Variants in DAB2IP observed in about 807,000 individuals in gnomAD.
DAB2IP encodes disabled homolog 2-interacting protein.
A neutral mutation model predicts 107.2 loss-of-function variants in DAB2IP; 28 were observed. The observed-to-expected ratio is 0.26, with a 90% CI of 0.19 to 0.36. DAB2IP has a LOEUF of 0.36. Ranked by LOEUF, DAB2IP falls within the 10% of genes least tolerant of loss-of-function variation. The probability of loss-of-function intolerance (pLI) is 1.00; values close to 1 mark genes in which losing one functional copy is unlikely to be tolerated. For missense variants in DAB2IP, 1,400 were observed against 1,644.7 expected, an observed-to-expected ratio of 0.85 and a Z score of 2.57; for synonymous variants, 755 against 706.4, an observed-to-expected ratio of 1.07 and a Z score of -1.09.
intron 1 of DAB2IP, among the ~76,000 whole-genome samples, chr9:121,617,578 G>T (rs1457480018): frequency 6.6e-6 from 1 of 152,202 alleles, no homozygotes; most frequent in Non-Finnish European, 1.5e-5. Context: ...ACTGGTTTGG[G>T]TCCAGCCCCA....
intron 1 of DAB2IP, among the ~76,000 whole-genome samples, chr9:121,624,636 G>A (rs1269327587): frequency 6.6e-6 from 1 of 152,134 alleles, no homozygotes; most frequent in East Asian, 1.9e-4. Context: ...ACAGTAACAT[G>A]CTGTACAGGC....
chr9:121,745,086 G>A (rs762605171), intron 3 of DAB2IP, among the ~76,000 whole-genome samples: 1 of 152,252 alleles, frequency 6.6e-6, no homozygotes. Context: ...GAGTCAGCCA[G>A]TGTGGAATGT....
intron 3 of DAB2IP, chr9:121,737,494 A>G (rs1832012874): frequency 1.0e-6 from 1 of 985,420 alleles, no homozygotes; most frequent in Non-Finnish European, 1.2e-6. Flanking sequence ...GAGGCCCCCT[A>G]ATCTGTCCAG....
rs1361041604 is a variant in DAB2IP at position 121,699,378 on chromosome 9, C to A, written c.282C>A (p.Pro94=). 5 of 1,484,886 alleles carry A rather than the reference C, an allele frequency of 3.4e-6. No homozygotes were observed. The African/African-American group carries it at 7.3e-5, about 22-fold the overall frequency. 92.0% of individuals were successfully genotyped at this position (1,484,886 alleles called of 1,614,324 possible). A position where few individuals can be genotyped will look rare whatever the true frequency, so the allele number is the denominator to read the frequency against. The change falls in exon 3 of 16, where the codon CCC becomes CCA. Residue 94 remains proline (P), a synonymous_variant. Transcript: ENST00000408936. The surrounding 1 kb of genome is among the most constrained non-coding windows in gnomAD (Gnocchi z 6.2). ...CCATCAAGCGCACCAAGAGCCAGCC[C>A]AAGCTGGACCGCAACCACAGCTTCC...
At position 121,699,428 on chromosome 9, in the gene DAB2IP, G is replaced by GCGCCGC. The variant is rs769541616; in HGVS notation, c.345_350dup (p.Ala116_Ala117dup). On this transcript the variant is annotated inframe_insertion, in exon 3 of 16. Transcript: ENST00000408936. The surrounding 1 kb of genome is among the most constrained non-coding windows in gnomAD (Gnocchi z 6.2). The stretch of plus-strand genomic sequence containing the variant: ...CGCCACATCCTGCCGGGGTTCCGGA[G>GCGCCGC]CGCCGCCGCCGCCGCCGCGGACAAT... 10 of 1,456,296 alleles carry GCGCCGC rather than the reference G, an allele frequency of 6.9e-6. No homozygotes were observed. Among genetic ancestry groups the GCGCCGC allele is most frequent in the South Asian group, 2.7e-5 (2 of 75,072 alleles). 90.2% of individuals were successfully genotyped at this position (1,456,296 alleles called of 1,614,324 possible). A position where few individuals can be genotyped will look rare whatever the true frequency, so the allele number is the denominator to read the frequency against.
chr9:121,654,587 C>T (rs1832898194), intron 1 of DAB2IP, among the ~76,000 whole-genome samples: 1 of 152,136 alleles, frequency 6.6e-6, no homozygotes, highest in Admixed American at 6.5e-5. Context: ...ATTGCCCTCC[C>T]TCCACTAAAG....
chr9:121,571,062 C>T (rs150999696), intron 1 of DAB2IP, among the ~76,000 whole-genome samples: 13 of 152,066 alleles, frequency 8.5e-5, no homozygotes, highest in African/African-American at 1.9e-4. Context: ...CTGTCTCCCC[C>T]CAGGGCCTTT....
intron 13 of DAB2IP, among the ~76,000 whole-genome samples, chr9:121,775,257 G>A (rs1043812468): frequency 3.3e-5 from 5 of 152,168 alleles, no homozygotes; most frequent in African/African-American, 7.2e-5. Context: ...GCAACCTCTC[G>A]AGCAAGGGTA....
intron 1 of DAB2IP, among the ~76,000 whole-genome samples, chr9:121,629,635 G>A (rs1201403067): frequency 6.6e-6 from 1 of 152,192 alleles, no homozygotes; most frequent in Non-Finnish European, 1.5e-5. Flanking sequence ...GAGCTGGGCT[G>A]TCTGGGGCAC....
rs571133865 is a variant in DAB2IP, at chr9:121,599,532, G to T, written c.40+32304G>T. Reference sequence around the variant, plus strand: ...AGGCCGGGTGGCCGCGGGAGCCCGGGAGCCGTAGAGCGGCGGCGCCGGGGG... The same window carrying T: ...AGGCCGGGTGGCCGCGGGAGCCCGGTAGCCGTAGAGCGGCGGCGCCGGGGG... On this transcript the variant is annotated intron_variant, in intron 1 of 16. Transcript: ENST00000259371. The surrounding 1 kb of genome is among the most constrained non-coding windows in gnomAD (Gnocchi z 6.9). Among the ~76,000 whole-genome samples, 3 of 151,874 alleles carry T rather than the reference G, an allele frequency of 2.0e-5. No individual in the cohort carries two copies. Among genetic ancestry groups the T allele is most frequent in the African/African-American group, 7.3e-5 (3 of 41,360 alleles).
At chr9:121,671,164 C>T (rs1004933305) in intron 1 of DAB2IP, among the ~76,000 whole-genome samples, 1 of 151,912 alleles carries the variant, frequency 6.6e-6, no homozygotes, top group Non-Finnish European at 1.5e-5. Flanking sequence ...AAACAAAAAA[C>T]AAAACAAAAC....
At chr9:121,688,513 G>A (rs1444172656) in intron 2 of DAB2IP, among the ~76,000 whole-genome samples, 2 of 152,052 alleles carry the variant, frequency 1.3e-5, no homozygotes, top group Non-Finnish European at 2.9e-5. Context: ...TTGTGTGGGC[G>A]GATCCTTCTA....
chr9:121,738,427 T>C (rs866335633), intron 3 of DAB2IP, among the ~76,000 whole-genome samples: 6 of 152,318 alleles, frequency 3.9e-5, no homozygotes, highest in Admixed American at 6.5e-5. Context: ...AAGGGTTTTT[T>C]TTTCTTCTTT....
intron 1 of DAB2IP, 39 bp from the exon 2 acceptor site, chr9:121,678,639 C>A: frequency 6.9e-7 from 1 of 1,450,106 alleles, no homozygotes; most frequent in Non-Finnish European, 9.2e-7. Flanking sequence ...GTGGCCTTGG[C>A]TGTTCTTGTT....
At position 121,702,228 on chromosome 9, in the gene DAB2IP, T is replaced by C. The variant is rs781639117; in HGVS notation, c.362+2770T>C. 1.3e-5 allele frequency among the ~76,000 whole-genome samples: 2 copies of C among 152,152 alleles called. No homozygotes were observed. Among genetic ancestry groups the C allele is most frequent in the Admixed American group, 6.5e-5 (1 of 15,278 alleles). ...GTTTTTTTGCGCTGGAATTCTCTCATCTGGAGGTTGGAAACCAGTTGGTTC... is the reference window on the plus strand; with the variant it reads ...GTTTTTTTGCGCTGGAATTCTCTCACCTGGAGGTTGGAAACCAGTTGGTTC... On this transcript the variant is annotated intron_variant, in intron 3 of 15. Coordinates refer to ENST00000408936, the Ensembl canonical transcript of DAB2IP. The surrounding 1 kb of genome is among the most constrained non-coding windows in gnomAD (Gnocchi z 4.5).
chr9:121,757,332 T>C (rs1833569995), intron 4 of DAB2IP, among the ~76,000 whole-genome samples, 166 bp downstream of exon 4: 1 of 151,896 alleles, frequency 6.6e-6, no homozygotes, highest in African/African-American at 2.4e-5. Flanking sequence ...CTAAGAGACC[T>C]GGTGGAGCTG....
In DAB2IP at chr9:121,631,068, T is replaced by G. The variant is rs1427178498; in HGVS notation, c.41-47610T>G. Among the ~76,000 whole-genome samples the G allele has an allele frequency of 2.6e-5, 4 of 152,020 alleles. No homozygotes were observed. The East Asian group carries it at 7.8e-4, about 30-fold the overall frequency. The stretch of plus-strand genomic sequence containing the variant: ...ACCCCATGCTGACAGGGATGAGGTG[T>G]CTGACTGTCAAATGGACTGAAGTCT... On this transcript the variant is annotated intron_variant, in intron 1 of 16. Coordinates refer to the DAB2IP transcript ENST00000259371.
At chr9:121,709,105 A>G (rs1347720126) in intron 3 of DAB2IP, among the ~76,000 whole-genome samples, 1 of 152,200 alleles carries the variant, frequency 6.6e-6, no homozygotes, top group African/African-American at 2.4e-5. Flanking sequence ...TCCAAGGCCC[A>G]GCTCCACCAA....
At chr9:121,691,949 G>A (rs1479937635) in intron 2 of DAB2IP, among the ~76,000 whole-genome samples, 2 of 152,206 alleles carry the variant, frequency 1.3e-5, no homozygotes, top group Non-Finnish European at 2.9e-5. Context: ...GCTGTAAGCT[G>A]TAAAAACGAG....
Sources: allele counts gnomAD v4.1 joint callset (sites outside exome capture counted in the v4.1 genomes callset), GRCh38; gene constraint gnomAD v4.1.1; non-coding constraint Gnocchi (gnomAD v3.1); transcripts MANE v1.5; gene names NCBI Gene and HGNC (gene_info 2026-07-23, HGNC 2026-07-21).